The following TIAM2 variants were observed in gnomAD, a reference collection of about 807,000 sequenced individuals.
TIAM2 encodes rho guanine nucleotide exchange factor TIAM2.
In TIAM2, 80 loss-of-function variants were observed where a neutral mutation model predicts 152.9. That is an observed-to-expected ratio of 0.52 (90% CI 0.44 to 0.63). The LOEUF is 0.63. Among genes scored for constraint, TIAM2 ranks in the 30% least tolerant of loss-of-function variants. The pLI, the probability that TIAM2 is intolerant of heterozygous loss-of-function variation, is 0.00. For missense variants in TIAM2, 1,965 were observed against 2,120.1 expected (o/e 0.93, Z 1.44); for synonymous variants, 804 against 838.0 (o/e 0.96, Z 0.70).
At chr6:155,123,716 G>A (rs1223104812) in intron 2 of TIAM2, among the ~76,000 whole-genome samples, 4 of 152,188 alleles carry the variant, frequency 2.6e-5, no homozygotes, top group Non-Finnish European at 5.9e-5. Flanking sequence ...TTGTCCGCTG[G>A]TTTTGGCGAG....
chr6:155,217,172 A>G, intron 15 of TIAM2: 1 of 1,270,496 alleles, frequency 7.9e-7, no homozygotes, highest in Non-Finnish European at 1.0e-6. Flanking sequence ...CCTTTTCTTG[A>G]TTGAAAGTTG....
chr6:155,243,297 C>T (rs1783142635), intron 16 of TIAM2, among the ~76,000 whole-genome samples: 1 of 152,184 alleles, frequency 6.6e-6, no homozygotes, highest in Non-Finnish European at 1.5e-5. Flanking sequence ...CTGGACCTCT[C>T]ACTGTGCTCC....
chr6:155,008,519 A>G (rs536783797), intron 1 of TIAM2, among the ~76,000 whole-genome samples: 1 of 152,276 alleles, frequency 6.6e-6, no homozygotes, highest in East Asian at 1.9e-4. Flanking sequence ...CCATTTAGTA[A>G]TATTGCCAAG....
At chr6:155,111,226 G>A (rs1778839036) in intron 2 of TIAM2, among the ~76,000 whole-genome samples, 1 of 151,850 alleles carries the variant, frequency 6.6e-6, no homozygotes, top group Admixed American at 6.6e-5. Flanking sequence ...GTAGTGAACC[G>A]AGGAAACTCA....
chr6:155,111,278 G>A (rs1778840174), intron 2 of TIAM2, among the ~76,000 whole-genome samples: 1 of 150,092 alleles, frequency 6.7e-6, no homozygotes, highest in Non-Finnish European at 1.5e-5. Flanking sequence ...TTCATGGAAA[G>A]TGTCCATATA....
rs75021384 is a variant in TIAM2, at chr6:155,043,061, A to T, written c.-208-47228A>T. Among the ~76,000 whole-genome samples the T allele has an allele frequency of 3.1e-3, 468 of 152,100 alleles. 2 individuals are homozygous for T. The highest frequency in any genetic ancestry group is 0.011 in the African/African-American group (445 of 41,494). ...ATAATTTTATTATGACGCTGGGGGGATGCATTATGACCTCTGTGATGCAGG... is the reference window on the plus strand; with the variant it reads ...ATAATTTTATTATGACGCTGGGGGGTTGCATTATGACCTCTGTGATGCAGG... On this transcript the variant is annotated intron_variant, in intron 1 of 26. Coordinates refer to ENST00000682666, the MANE Select transcript of TIAM2 (RefSeq NM_012454.4).
chr6:155,021,396 G>C (rs1167220239), intron 1 of TIAM2, among the ~76,000 whole-genome samples: 2 of 151,948 alleles, frequency 1.3e-5, no homozygotes, highest in African/African-American at 2.4e-5. Flanking sequence ...CGAGTAGCTG[G>C]GATTGCAGAC....
rs899039959 is a variant in TIAM2, at chr6:155,182,740, C to T, written c.2800+422C>T. Among the ~76,000 whole-genome samples the T allele has an allele frequency of 5.3e-5, 8 of 151,992 alleles. No individual in the cohort carries two copies. The South Asian group carries it at 1.0e-3, about 20-fold the overall frequency. On this transcript the variant is annotated intron_variant, in intron 13 of 26. Transcript: ENST00000682666. Reference sequence around the variant, plus strand: ...AGGAAGAGAGTGTGAGACAGACAGGCGGACACGGATGGAACAAAGTTAACA... The same window carrying T: ...AGGAAGAGAGTGTGAGACAGACAGGTGGACACGGATGGAACAAAGTTAACA...
intron 1 of TIAM2, among the ~76,000 whole-genome samples, chr6:154,997,387 G>C (rs1252288245): frequency 1.3e-5 from 2 of 152,086 alleles, no homozygotes; most frequent in African/African-American, 4.8e-5. Flanking sequence ...CACTACACAA[G>C]GTCATCTTGT....
chr6:155,097,954 T>G (rs1415137665), intron 2 of TIAM2, among the ~76,000 whole-genome samples: 2 of 152,220 alleles, frequency 1.3e-5, no homozygotes, highest in Non-Finnish European at 2.9e-5. Context: ...TTGTCAAAGA[T>G]GAGTTGGTTA....
intron 1 of TIAM2, among the ~76,000 whole-genome samples, chr6:155,033,207 T>C (rs1312445202): frequency 1.3e-5 from 2 of 152,210 alleles, no homozygotes; most frequent in Non-Finnish European, 2.9e-5. Flanking sequence ...TCTGCAGCCC[T>C]GCCTGCGCGC....
At chr6:155,071,856 A>T (rs544513766) in intron 1 of TIAM2, among the ~76,000 whole-genome samples, 1 of 151,598 alleles carries the variant, frequency 6.6e-6, no homozygotes, top group Non-Finnish European at 1.5e-5. Flanking sequence ...AGATCGCGTC[A>T]CTGCACTCCA....
At chr6:155,094,848 G>A (rs951604569) in intron 2 of TIAM2, among the ~76,000 whole-genome samples, 3 of 151,522 alleles carry the variant, frequency 2.0e-5, no homozygotes, top group South Asian at 4.2e-4. Flanking sequence ...CTCCCAAAGT[G>A]CTGGGATTAC....
chr6:155,235,255 C>T (rs894193676), intron 15 of TIAM2, among the ~76,000 whole-genome samples: 6 of 152,286 alleles, frequency 3.9e-5, no homozygotes, highest in South Asian at 2.1e-4. Flanking sequence ...TTGACCCAAA[C>T]GGCAATTTTA....
chr6:155,160,651 C>T lies in TIAM2; in HGVS notation c.2029-3764C>T, dbSNP rs1363678667. ...AAGCATGGTGGCATGCACTTGTGGT[C>T]TTGAGAGGCTGAGTTGGGAGGATCA... On this transcript the variant is annotated intron_variant, in intron 7 of 26. Coordinates refer to ENST00000682666, the MANE Select transcript of TIAM2 (RefSeq NM_012454.4). Among the ~76,000 whole-genome samples the T allele has an allele frequency of 2.0e-5, 3 of 152,044 alleles. No homozygotes were observed. In the East Asian group the frequency reaches 5.8e-4, roughly 29 times the overall value.
intron 15 of TIAM2, among the ~76,000 whole-genome samples, chr6:155,236,806 AC>A (rs1052141217): frequency 6.6e-6 from 1 of 152,110 alleles, no homozygotes; most frequent in African/African-American, 2.4e-5. Flanking sequence ...GGAAAGGCCC[AC>A]CCCCATGATT....
intron 4 of TIAM2, among the ~76,000 whole-genome samples, chr6:155,131,837 C>T (rs765684244): frequency 6.6e-6 from 1 of 152,086 alleles, no homozygotes; most frequent in Non-Finnish European, 1.5e-5. Context: ...CCTCGGCCTC[C>T]CAACATGCTG....
At chr6:155,183,909 G>A (rs924464444) in intron 14 of TIAM2, among the ~76,000 whole-genome samples, 4 of 152,284 alleles carry the variant, frequency 2.6e-5, no homozygotes, top group South Asian at 2.1e-4. Context: ...AGAACAGCCC[G>A]TGCATTTCAG....
chr6:155,088,132 G>A (rs7775974), intron 1 of TIAM2, among the ~76,000 whole-genome samples: 17,723 of 142,248 alleles, frequency 0.12, 1,523 homozygotes, highest in African/African-American at 0.25. Flanking sequence ...CTCGTTCACT[G>A]CAACCTCTGC....
Sources: allele counts gnomAD v4.1 joint callset (sites outside exome capture counted in the v4.1 genomes callset), GRCh38; gene constraint gnomAD v4.1.1; transcripts MANE v1.5; gene names NCBI Gene and HGNC (gene_info 2026-07-23, HGNC 2026-07-21).